The following MAN2A1 variants were observed in gnomAD, a reference collection of about 807,000 sequenced individuals.
MAN2A1 encodes mannosidase alpha class 2A member 1, also known as alpha-mannosidase 2.
MAN2A1 carries 76 observed loss-of-function variants against 142.6 expected under a neutral mutation model. The ratio of observed to expected loss-of-function variants is 0.53; its 90% CI spans 0.44 to 0.65. The LOEUF is 0.65. Ranked by LOEUF, MAN2A1 falls within the 30% of genes least tolerant of loss-of-function variation. The pLI, the probability that MAN2A1 is intolerant of heterozygous loss-of-function variation, is 0.00. For synonymous variants in MAN2A1, 559 were observed against 473.2 expected, an observed-to-expected ratio of 1.18 and a Z score of -2.35; for missense variants, 1,311 against 1,365.1, an observed-to-expected ratio of 0.96 and a Z score of 0.62.
chr5:109,704,829 G>T (rs73217330), intron 1 of MAN2A1, among the ~76,000 whole-genome samples: 1 of 152,092 alleles, frequency 6.6e-6, no homozygotes, highest in Non-Finnish European at 1.5e-5. Flanking sequence ...TGTGAGAATC[G>T]CCTGGTGAGC....
intron 16 of MAN2A1, among the ~76,000 whole-genome samples, chr5:109,835,530 C>G (rs772494707): frequency 6.6e-6 from 1 of 152,106 alleles, no homozygotes; most frequent in Non-Finnish European, 1.5e-5. Flanking sequence ...TTAAATATGC[C>G]GCTTAGGATT....
chr5:109,831,791 C>T (rs1253836078), intron 16 of MAN2A1, among the ~76,000 whole-genome samples: 1 of 151,064 alleles, frequency 6.6e-6, no homozygotes, highest in Admixed American at 6.6e-5. Flanking sequence ...CATTACTTCT[C>T]TAAAACAAAA....
At chr5:109,715,873 C>CT (rs954704336) in intron 2 of MAN2A1, among the ~76,000 whole-genome samples, 6 of 148,370 alleles carry the variant, frequency 4.0e-5, no homozygotes, top group East Asian at 2.0e-4. Context: ...ATAGAATGAA[C>CT]TTTTTTTTTT....
Position 109,690,242 on chromosome 5 carries a change from T to G in MAN2A1, c.-176T>G. The G allele has an allele frequency of 1.6e-6, 1 of 636,562 alleles. No individual in the cohort carries two copies. The highest frequency in any genetic ancestry group is 2.8e-6 in the Non-Finnish European group (1 of 359,562). The allele number at this position is 636,562 out of a possible 1,614,324, so 39.4% of individuals were successfully genotyped here. A position where few individuals can be genotyped will look rare whatever the true frequency, so the allele number is the denominator to read the frequency against. ...CAGGCCAGGGCGAAGGCCAAGGGCGTGTGGTGGCGCCGGAGACTAGGTGCG... is the reference window on the plus strand; with the variant it reads ...CAGGCCAGGGCGAAGGCCAAGGGCGGGTGGTGGCGCCGGAGACTAGGTGCG... On this transcript the variant is annotated 5_prime_UTR_variant, in exon 1 of 22. Coordinates refer to ENST00000261483, the MANE Select transcript of MAN2A1 (RefSeq NM_002372.4).
chr5:109,859,429 C>T (rs1755701932), intron 20 of MAN2A1, among the ~76,000 whole-genome samples: 1 of 152,156 alleles, frequency 6.6e-6, no homozygotes, highest in Admixed American at 6.5e-5. Context: ...GGGGAACAAA[C>T]ATCTCTGGAA....
intron 1 of MAN2A1, among the ~76,000 whole-genome samples, chr5:109,692,042 G>A (rs1278997537): frequency 6.6e-6 from 1 of 152,092 alleles, no homozygotes; most frequent in Non-Finnish European, 1.5e-5. Context: ...TTTACTTAAA[G>A]TGTTTTCTAA....
chr5:109,783,167 A>C (rs1753506158), intron 9 of MAN2A1, among the ~76,000 whole-genome samples: 1 of 152,170 alleles, frequency 6.6e-6, no homozygotes, highest in Non-Finnish European at 1.5e-5. Flanking sequence ...TAATTTATTG[A>C]ACATATTCAA....
intron 12 of MAN2A1, among the ~76,000 whole-genome samples, chr5:109,812,205 G>C (rs1244425500): frequency 1.1e-4 from 17 of 152,086 alleles, no homozygotes. Context: ...TATAGATGAG[G>C]ATATTAAGTC....
chr5:109,779,789 A>G (rs1322179907), intron 8 of MAN2A1, among the ~76,000 whole-genome samples: 2 of 152,296 alleles, frequency 1.3e-5, no homozygotes, highest in African/African-American at 4.8e-5. Context: ...TAACTTGCCC[A>G]AGATCACTCT....
At chr5:109,692,175 A>C (rs1202331708) in intron 1 of MAN2A1, among the ~76,000 whole-genome samples, 1 of 152,208 alleles carries the variant, frequency 6.6e-6, no homozygotes, top group East Asian at 1.9e-4. Flanking sequence ...TGAGTGACTC[A>C]TTCAGTTACT....
At chr5:109,749,135 T>C (rs1212842882) in intron 4 of MAN2A1, among the ~76,000 whole-genome samples, 1 of 152,146 alleles carries the variant, frequency 6.6e-6, no homozygotes, top group African/African-American at 2.4e-5. Flanking sequence ...TGAAATTAAT[T>C]TGTGATTCTT....
At chr5:109,851,527 C>T (rs1477996877) in intron 19 of MAN2A1, among the ~76,000 whole-genome samples, 1 of 152,142 alleles carries the variant, frequency 6.6e-6, no homozygotes, top group African/African-American at 2.4e-5. Context: ...ACTCTCTTGC[C>T]TTTTCACCAT....
At chr5:109,733,966 A>C (rs1752004325) in intron 4 of MAN2A1, among the ~76,000 whole-genome samples, 1 of 152,108 alleles carries the variant, frequency 6.6e-6, no homozygotes, top group Non-Finnish European at 1.5e-5. Context: ...CTTCTGGTAG[A>C]ATTCGGCTGT....
chr5:109,843,195 G>A (rs1755257182), intron 17 of MAN2A1, among the ~76,000 whole-genome samples: 1 of 152,166 alleles, frequency 6.6e-6, no homozygotes, highest in Non-Finnish European at 1.5e-5. Flanking sequence ...TTGACTCACA[G>A]TTCTGTATGA....
At chr5:109,730,494 T>C (rs1005355538) in intron 4 of MAN2A1, among the ~76,000 whole-genome samples, 6 of 151,912 alleles carry the variant, frequency 3.9e-5, no homozygotes, top group African/African-American at 1.4e-4. Context: ...AATCTAGAGG[T>C]CAAATAAATA....
intron 12 of MAN2A1, among the ~76,000 whole-genome samples, chr5:109,808,108 G>T (rs1373956080): frequency 1.3e-5 from 2 of 152,162 alleles, no homozygotes; most frequent in Non-Finnish European, 2.9e-5. Flanking sequence ...TTGCATTTTA[G>T]AGATGCACTT....
At chr5:109,765,775 T>A (rs1752972777) in intron 5 of MAN2A1, among the ~76,000 whole-genome samples, 2 of 152,160 alleles carry the variant, frequency 1.3e-5, no homozygotes, top group Non-Finnish European at 2.9e-5. Context: ...ATGCATTATT[T>A]ATTTTCACAC....
intron 3 of MAN2A1, among the ~76,000 whole-genome samples, chr5:109,720,929 G>T (rs1229502023): frequency 6.6e-6 from 1 of 152,194 alleles, no homozygotes; most frequent in Non-Finnish European, 1.5e-5. Context: ...GCTACTGCAG[G>T]ATAAAGTGGA....
At chr5:109,692,424 G>A (rs548747567) in intron 1 of MAN2A1, among the ~76,000 whole-genome samples, 1 of 152,058 alleles carries the variant, frequency 6.6e-6, no homozygotes, top group East Asian at 1.9e-4. Context: ...GTGCTTGGAC[G>A]GCCACTGAAT....
Sources: gnomAD v4.1 joint callset for allele counts (sites outside exome capture counted in the v4.1 genomes callset) on GRCh38, gnomAD v4.1.1 for gene constraint, MANE v1.5 for transcripts, NCBI Gene and HGNC (gene_info 2026-07-23, HGNC 2026-07-21) for gene names.